The following VAV3 variants were observed in gnomAD, a reference collection of about 807,000 sequenced individuals.
The protein encoded by VAV3 is guanine nucleotide exchange factor VAV3.
In VAV3, 94 loss-of-function variants were observed where a neutral mutation model predicts 131.2. The ratio of observed to expected loss-of-function variants is 0.72; its 90% confidence interval spans 0.61 to 0.85. VAV3 has a LOEUF of 0.85. Ranked by LOEUF, VAV3 falls within the 40% of genes least tolerant of loss-of-function variation. The pLI, the probability that VAV3 is intolerant of heterozygous loss-of-function variation, is 0.00. For missense variants in VAV3, 939 were observed against 1,002.7 expected, an observed-to-expected ratio of 0.94 and a Z score of 0.86; for synonymous variants, 349 against 342.0, an observed-to-expected ratio of 1.02 and a Z score of -0.22.
intron 1 of VAV3, among the ~76,000 whole-genome samples, chr1:107,878,543 T>C (rs759834566): frequency 2.6e-5 from 4 of 152,234 alleles, no homozygotes; most frequent in Non-Finnish European, 5.9e-5. Context: ...TTCTTCATGG[T>C]ATCATTAAAC....
intron 15 of VAV3, among the ~76,000 whole-genome samples, chr1:107,735,299 T>G (rs1662537747): frequency 6.6e-6 from 1 of 152,020 alleles, no homozygotes; most frequent in African/African-American, 2.4e-5. Context: ...TTAAAAGAAC[T>G]AGAGAAGCAA....
chr1:107,678,929 A>C (rs2101715813), intron 19 of VAV3, among the ~76,000 whole-genome samples: 1 of 152,188 alleles, frequency 6.6e-6, no homozygotes, highest in Non-Finnish European at 1.5e-5. Flanking sequence ...ATATTTAAAA[A>C]TTTTATATGT....
intron 2 of VAV3, among the ~76,000 whole-genome samples, chr1:107,829,815 A>G (rs1470986245): frequency 6.6e-6 from 1 of 152,212 alleles, no homozygotes; most frequent in Non-Finnish European, 1.5e-5. Context: ...CAATGTCAAA[A>G]GAGATCGCAG....
intron 19 of VAV3, chr1:107,669,152 T>C: frequency 9.3e-7 from 1 of 1,077,542 alleles, no homozygotes; most frequent in Non-Finnish European, 1.1e-6. Context: ...ACTTTCATTC[T>C]ATTTCACCTT....
chr1:107,804,756 T>C (rs1282706814), intron 2 of VAV3, among the ~76,000 whole-genome samples: 2 of 147,140 alleles, frequency 1.4e-5, no homozygotes, highest in Non-Finnish European at 3.0e-5. Context: ...TTTCAAATAT[T>C]TTTGGTTTTT....
At chr1:107,906,527 G>T (rs1029017239) in intron 1 of VAV3, among the ~76,000 whole-genome samples, 1 of 152,016 alleles carries the variant, frequency 6.6e-6, no homozygotes, top group Non-Finnish European at 1.5e-5. Flanking sequence ...TTAGCCGGGC[G>T]TGGTGGCAGG....
At chr1:107,934,953 C>T (rs1673636005) in intron 1 of VAV3, among the ~76,000 whole-genome samples, 1 of 152,238 alleles carries the variant, frequency 6.6e-6, no homozygotes, top group African/African-American at 2.4e-5. Context: ...GTTGGTAGTA[C>T]ATGAACCCAT....
At chr1:107,633,516 G>A (rs1348058535) in intron 20 of VAV3, among the ~76,000 whole-genome samples, 2 of 152,106 alleles carry the variant, frequency 1.3e-5, no homozygotes, top group African/African-American at 2.4e-5. Context: ...TTTATTCTTA[G>A]GGCTGCTCAT....
chr1:107,853,298 A>T (rs1433950520), intron 2 of VAV3, among the ~76,000 whole-genome samples: 1 of 152,218 alleles, frequency 6.6e-6, no homozygotes, highest in Non-Finnish European at 1.5e-5. Context: ...TAATAACAGA[A>T]TGGAGCTGGG....
At chr1:107,895,210 T>C (rs1484192685) in intron 1 of VAV3, among the ~76,000 whole-genome samples, 1 of 152,004 alleles carries the variant, frequency 6.6e-6, no homozygotes, top group African/African-American at 2.4e-5. Context: ...CAGAAACTTG[T>C]TGGAGAAGGA....
chr1:107,815,991 T>C (rs559168426), intron 2 of VAV3, among the ~76,000 whole-genome samples: 1 of 152,204 alleles, frequency 6.6e-6, no homozygotes, highest in East Asian at 1.9e-4. Flanking sequence ...GTATGCGCAG[T>C]TGGCAATACA....
intron 15 of VAV3, among the ~76,000 whole-genome samples, chr1:107,733,788 G>C (rs1448185959): frequency 6.6e-6 from 1 of 152,200 alleles, no homozygotes; most frequent in African/African-American, 2.4e-5. Flanking sequence ...AAGTGACAGG[G>C]AGAATGGAAT....
intron 20 of VAV3, among the ~76,000 whole-genome samples, chr1:107,642,143 G>A (rs752647482): frequency 4.0e-4 from 61 of 152,080 alleles, no homozygotes; most frequent in Non-Finnish European, 6.5e-4. Context: ...AAACCTACTC[G>A]ACTGCATTCC....
At chr1:107,631,663 T>C (rs1570647999) in intron 20 of VAV3, among the ~76,000 whole-genome samples, 1 of 126,380 alleles carries the variant, frequency 7.9e-6, no homozygotes, top group Non-Finnish European at 1.6e-5. Context: ...GAGTGTGATG[T>C]TCCCCTTCCT....
chr1:107,842,989 G>GA (rs1411936840), intron 2 of VAV3, among the ~76,000 whole-genome samples: 1 of 152,058 alleles, frequency 6.6e-6, no homozygotes, highest in Non-Finnish European at 1.5e-5. Context: ...GACCTACTGA[G>GA]AAAAAAGTAG....
At chr1:107,609,784 T>C in intron 22 of VAV3, 147 bp downstream of exon 22, 2 of 774,480 alleles carry the variant, frequency 2.6e-6, no homozygotes, top group Non-Finnish European at 4.2e-6. Context: ...AATACATGAA[T>C]TCATTATGGT....
At chr1:107,664,908 T>C (rs535882539) in intron 19 of VAV3, among the ~76,000 whole-genome samples, 4 of 152,350 alleles carry the variant, frequency 2.6e-5, no homozygotes, top group Non-Finnish European at 5.9e-5. Context: ...AACAAGAGCA[T>C]GACCCAAGGT....
At chr1:107,596,825 A>C (rs1424766928) in intron 24 of VAV3, among the ~76,000 whole-genome samples, 1 of 152,224 alleles carries the variant, frequency 6.6e-6, no homozygotes, top group East Asian at 1.9e-4. Flanking sequence ...GATAAAGCAC[A>C]AATGGTACTT....
At chr1:107,700,102 G>C (rs1373978898) in intron 17 of VAV3, among the ~76,000 whole-genome samples, 1 of 152,206 alleles carries the variant, frequency 6.6e-6, no homozygotes, top group Admixed American at 6.5e-5. Context: ...GAGTTAAACA[G>C]CTAGGAAGAC....
Sources: gnomAD v4.1 joint callset for allele counts (sites outside exome capture counted in the v4.1 genomes callset) on GRCh38, gnomAD v4.1.1 for gene constraint, MANE v1.5 for transcripts, NCBI Gene and HGNC (gene_info 2026-07-23, HGNC 2026-07-21) for gene names.